The following ADCY2 variants were observed in gnomAD, a reference collection of about 807,000 sequenced individuals.
The protein encoded by ADCY2 is adenylate cyclase 2.
ADCY2 carries 31 observed loss-of-function variants against 125.2 expected under a neutral mutation model. The ratio of observed to expected loss-of-function variants is 0.25; its 90% CI spans 0.19 to 0.33. The LOEUF (loss-of-function observed/expected upper bound fraction) is 0.33. ADCY2 is among the 10% of genes least tolerant of loss of function. The pLI is 1.00. For synonymous variants in ADCY2, 512 were observed against 548.4 expected (o/e 0.93, Z 0.93); for missense variants, 904 against 1,418.2 (o/e 0.64, Z 5.82).
intron 15 of ADCY2, among the ~76,000 whole-genome samples, chr5:7,748,519 A>ACAC (rs1553984347): frequency 1.1e-5 from 1 of 90,116 alleles, no homozygotes; most frequent in African/African-American, 3.8e-5. Flanking sequence ...CCCACCCTCC[A>ACAC]ACACACACAC....
chr5:7,555,880 A>ACG, intron 3 of ADCY2, among the ~76,000 whole-genome samples: 1 of 150,694 alleles, frequency 6.6e-6, no homozygotes, highest in Non-Finnish European at 1.5e-5. Flanking sequence ...ACACACACAC[A>ACG]CACAGACATG....
intron 18 of ADCY2, among the ~76,000 whole-genome samples, chr5:7,781,477 G>A (rs1743920437): frequency 6.6e-6 from 1 of 152,162 alleles, no homozygotes; most frequent in African/African-American, 2.4e-5. Context: ...ACACAGGAAT[G>A]CCACGTGATG....
At chr5:7,579,388 T>C (rs917842070) in intron 3 of ADCY2, among the ~76,000 whole-genome samples, 1 of 151,702 alleles carries the variant, frequency 6.6e-6, no homozygotes, top group African/African-American at 2.4e-5. Context: ...ATCACTACAG[T>C]AGCTAAATAT....
chr5:7,409,642 T>A, intron 1 of ADCY2, among the ~76,000 whole-genome samples: 1 of 152,214 alleles, frequency 6.6e-6, no homozygotes. Flanking sequence ...CACCTAATGG[T>A]TGCATGTGGA....
At chr5:7,505,108 T>C (rs765320286) in intron 2 of ADCY2, among the ~76,000 whole-genome samples, 35 of 152,154 alleles carry the variant, frequency 2.3e-4, no homozygotes, top group Admixed American at 1.2e-3. Context: ...GGTCTCGAAC[T>C]CCTGGGCTCA....
At chr5:7,483,953 C>A (rs2126477724) in intron 2 of ADCY2, among the ~76,000 whole-genome samples, 1 of 152,232 alleles carries the variant, frequency 6.6e-6, no homozygotes, top group Admixed American at 6.5e-5. Context: ...TTATGAAAAT[C>A]TTATGTTATT....
chr5:7,826,193 A>T (rs568193811), intron 24 of ADCY2, among the ~76,000 whole-genome samples: 1 of 152,092 alleles, frequency 6.6e-6, no homozygotes, highest in East Asian at 1.9e-4. Flanking sequence ...GCAGGAGTCT[A>T]CAGTGCTCAG....
rs963049137 is a variant in ADCY2, at chr5:7,820,839, G to C, written c.3123+150G>C. 50 of 1,047,254 alleles carry C rather than the reference G, an allele frequency of 4.8e-5. No homozygotes were observed. In the South Asian group the frequency reaches 9.7e-4, roughly 20 times the overall value. 64.9% of individuals were successfully genotyped at this position (1,047,254 alleles called of 1,614,324 possible). A position where few individuals can be genotyped will look rare whatever the true frequency, so the allele number is the denominator to read the frequency against. ...TTATCTTTTGGAGAACAATTTTTGGGGAAATGTCAGTTTCTGTATTGACTG... is the reference window on the plus strand; with the variant it reads ...TTATCTTTTGGAGAACAATTTTTGGCGAAATGTCAGTTTCTGTATTGACTG... On this transcript the variant is annotated intron_variant, in intron 24 of 24. Transcript: ENST00000338316.
intron 3 of ADCY2, among the ~76,000 whole-genome samples, chr5:7,620,699 C>A (rs1737924801): frequency 6.6e-6 from 1 of 152,146 alleles, no homozygotes; most frequent in South Asian, 2.1e-4. Flanking sequence ...TTCTGTAAGC[C>A]AAATTGGATG....
chr5:7,401,496 C>A (rs555909163), intron 1 of ADCY2, among the ~76,000 whole-genome samples: 3 of 152,188 alleles, frequency 2.0e-5, no homozygotes, highest in Non-Finnish European at 4.4e-5. Context: ...TATGAACAGC[C>A]TCAATCTTCA....
At chr5:7,779,382 A>C (rs991491000) in intron 18 of ADCY2, among the ~76,000 whole-genome samples, 12 of 152,316 alleles carry the variant, frequency 7.9e-5, no homozygotes, top group Admixed American at 2.6e-4. Flanking sequence ...GACTCCATAG[A>C]ATGTGCAGTG....
At chr5:7,614,486 A>G (rs1311965145) in intron 3 of ADCY2, among the ~76,000 whole-genome samples, 2 of 152,184 alleles carry the variant, frequency 1.3e-5, no homozygotes, top group Non-Finnish European at 2.9e-5. Flanking sequence ...CTCAAACCTA[A>G]TTCCTGGAGA....
chr5:7,533,163 C>T (rs575800654), intron 3 of ADCY2, among the ~76,000 whole-genome samples: 118 of 150,614 alleles, frequency 7.8e-4, no homozygotes, highest in Non-Finnish European at 1.4e-3. Flanking sequence ...TTCTATTTTT[C>T]CTGTGAAAAT....
At chr5:7,408,859 C>T (rs1018675988) in intron 1 of ADCY2, among the ~76,000 whole-genome samples, 1 of 152,000 alleles carries the variant, frequency 6.6e-6, no homozygotes, top group Non-Finnish European at 1.5e-5. Context: ...TACCATTGGA[C>T]CCAGCAATCC....
chr5:7,532,035 A>G (rs976793318), intron 3 of ADCY2, among the ~76,000 whole-genome samples: 1 of 152,242 alleles, frequency 6.6e-6, no homozygotes, highest in Non-Finnish European at 1.5e-5. Flanking sequence ...GTAGTGTACA[A>G]CATATGAAGA....
In ADCY2 at chr5:7,766,794, A is replaced by G. The variant is rs747475289; in HGVS notation, c.2202A>G (p.Leu734=). Residue 734 remains leucine, a synonymous_variant, in exon 17 of 25, where the codon TTA becomes TTG. Transcript: ENST00000338316. ...TGGCGATTCTGCGTGCGCAGAATTT[A>G]TTTTTCCTCCCGGTAAGAACATTGC... ...NQVAILRAQN[L]FFLPYFIYSC... 2 of 1,609,170 alleles carry G rather than the reference A, an allele frequency of 1.2e-6. No homozygotes were observed. The highest frequency in any genetic ancestry group is 1.1e-5 in the South Asian group (1 of 89,598).
intron 3 of ADCY2, among the ~76,000 whole-genome samples, chr5:7,536,997 TCA>T (rs1416429175): frequency 6.8e-6 from 1 of 146,570 alleles, no homozygotes; most frequent in East Asian, 2.1e-4. Flanking sequence ...AATCAATAAA[TCA>T]CAGTTATTTA....
chr5:7,582,034 G>A (rs1205849598), intron 3 of ADCY2, among the ~76,000 whole-genome samples: 2 of 152,084 alleles, frequency 1.3e-5, no homozygotes, highest in East Asian at 3.9e-4. Flanking sequence ...GTTTGCATGA[G>A]ATGCACTTTT....
intron 14 of ADCY2, among the ~76,000 whole-genome samples, chr5:7,738,966 A>C (rs867323398): frequency 1.3e-5 from 2 of 151,954 alleles, no homozygotes; most frequent in Non-Finnish European, 2.9e-5. Flanking sequence ...AATCTACGTC[A>C]GAATTAGATA....
Sources: gnomAD v4.1 joint callset for allele counts (sites outside exome capture counted in the v4.1 genomes callset) on GRCh38, gnomAD v4.1.1 for gene constraint, MANE v1.5 for transcripts, NCBI Gene and HGNC (gene_info 2026-07-23, HGNC 2026-07-21) for gene names.